BCAS3: variants seen among roughly 807,000 people sequenced by gnomAD.
The protein encoded by BCAS3 is BCAS4/BCAS3 fusion.
A neutral mutation model predicts 116.1 loss-of-function variants in BCAS3; 53 were observed. The ratio of observed to expected loss-of-function variants is 0.46; its 90% confidence interval spans 0.37 to 0.57. The LOEUF (loss-of-function observed/expected upper bound fraction) is 0.57. Among genes scored for constraint, BCAS3 ranks in the 20% least tolerant of loss-of-function variants. The pLI is 0.00. For synonymous variants in BCAS3, 391 were observed against 408.2 expected, an observed-to-expected ratio of 0.96 and a Z score of 0.51; for missense variants, 917 against 1,165.4, an observed-to-expected ratio of 0.79 and a Z score of 3.10.
chr17:61,369,924 C>T (rs895578457), intron 23 of BCAS3, among the ~76,000 whole-genome samples: 6 of 152,206 alleles, frequency 3.9e-5, no homozygotes, highest in Admixed American at 3.3e-4. Context: ...AAACCGGAGC[C>T]CGGTGCCACT....
At position 60,808,015 on chromosome 17, in the gene BCAS3, T is replaced by C. The variant is rs756650173; in HGVS notation, c.415T>C (p.Cys139Arg). The stretch of plus-strand genomic sequence containing the variant: ...ATCCTTCCTGTCAGGTGCTCAAAAA[T>C]GTGATAACTTTGCTGAAAAAAGACC... The part of the protein sequence containing the change: ...LPAPQFGAQK[C>R]DNFAEKRPLL... Residue 139 changes from cysteine (C) to arginine (R), a missense_variant, in exon 7 of 24, where the codon TGT becomes CGT. Transcript: ENST00000407086. The C allele has an allele frequency of 3.7e-6, 6 of 1,606,678 alleles. No homozygotes were observed. The highest frequency in any genetic ancestry group is 2.7e-5 in the African/African-American group (2 of 74,836).
At chr17:60,977,488 C>A (rs1036852657) in intron 14 of BCAS3, among the ~76,000 whole-genome samples, 8 of 149,390 alleles carry the variant, frequency 5.4e-5, no homozygotes, top group African/African-American at 2.0e-4. Context: ...GAAGCACTTT[C>A]TTTTTATTAT....
rs202058797 is a variant in BCAS3, at chr17:60,902,602, T to C, written c.739-18T>C. ...TAATAGAAATGACGTTCTGCTTCTC[T>C]CTCTCTCTTTTTCTCAGTTGATTCG... On this transcript the variant is annotated intron_variant, in intron 10 of 23. Transcript: ENST00000407086. 2.5e-6 allele frequency: 4 copies of C among 1,581,896 alleles called. No homozygotes were observed. In the African/African-American group the frequency reaches 5.4e-5, roughly 21 times the overall value.
intron 6 of BCAS3, among the ~76,000 whole-genome samples, chr17:60,801,519 G>A (rs2047776333): frequency 6.6e-6 from 1 of 151,594 alleles, no homozygotes; most frequent in Non-Finnish European, 1.5e-5. Flanking sequence ...AGAACTTCCA[G>A]TACTCTATTG....
chr17:61,362,866 T>C lies in BCAS3; in HGVS notation c.2426-5461T>C, dbSNP rs1327352610. On this transcript the variant is annotated intron_variant, in intron 22 of 23. Coordinates refer to ENST00000407086, the MANE Select transcript of BCAS3 (RefSeq NM_017679.5). This position sits in a 1 kb window ranked among gnomAD's most constrained non-coding sequence, Gnocchi z 4.4. ...TGTGACATTGTTTTCTGCTCACTTATCTTCTTCTTCCTTCCTCTCTTTTAA... is the reference window on the plus strand; with the variant it reads ...TGTGACATTGTTTTCTGCTCACTTACCTTCTTCTTCCTTCCTCTCTTTTAA... 6.6e-6 allele frequency: 1 copy of C among 152,202 alleles called. No individual in the cohort carries two copies. The highest frequency in any genetic ancestry group is 2.1e-4 in the South Asian group (1 of 4,826). 9.4% of individuals were successfully genotyped at this position (152,202 alleles called of 1,614,324 possible). A position where few individuals can be genotyped will look rare whatever the true frequency, so the allele number is the denominator to read the frequency against.
At chr17:60,731,361 C>T (rs540506951) in intron 5 of BCAS3, among the ~76,000 whole-genome samples, 4 of 152,038 alleles carry the variant, frequency 2.6e-5, no homozygotes, top group Non-Finnish European at 5.9e-5. Flanking sequence ...TACAGGCGTG[C>T]GCCATTACGC....
chr17:61,029,155 A>G lies in BCAS3; in HGVS notation c.1638-5511A>G, dbSNP rs2145580644. Reference sequence around the variant, plus strand: ...TTTGGATGAAAAATGAAATTTTTAAATGAAATGTAAATTTTCTACAAACTT... The same window carrying G: ...TTTGGATGAAAAATGAAATTTTTAAGTGAAATGTAAATTTTCTACAAACTT... On this transcript the variant is annotated intron_variant, in intron 16 of 23. Coordinates refer to ENST00000407086, the MANE Select transcript of BCAS3 (RefSeq NM_017679.5). This position sits in a 1 kb window ranked among gnomAD's most constrained non-coding sequence, Gnocchi z 5.2. Among the ~76,000 whole-genome samples, 1 of 152,098 alleles carries G rather than the reference A, an allele frequency of 6.6e-6. No individual in the cohort carries two copies. Among genetic ancestry groups the G allele is most frequent in the South Asian group, 2.1e-4 (1 of 4,832 alleles).
chr17:60,809,286 AAGAG>A (rs58041987), intron 7 of BCAS3, among the ~76,000 whole-genome samples: 1,981 of 151,870 alleles, frequency 0.013, 36 homozygotes, highest in African/African-American at 0.046. Flanking sequence ...AAAAAAAAAA[AAGAG>A]AGAGTTTGTG....
At position 61,140,818 on chromosome 17, in the gene BCAS3, C is replaced by G. The variant is rs538590663; in HGVS notation, c.2425+56254C>G. 2.0e-5 allele frequency among the ~76,000 whole-genome samples: 3 copies of G among 152,204 alleles called. No homozygotes were observed. In the East Asian group the frequency reaches 5.8e-4, roughly 29 times the overall value. On this transcript the variant is annotated intron_variant, in intron 22 of 23. Coordinates refer to ENST00000407086, the MANE Select transcript of BCAS3 (RefSeq NM_017679.5). The surrounding 1 kb of genome is among the most constrained non-coding windows in gnomAD (Gnocchi z 4.2). Reference sequence around the variant, plus strand: ...TGACTCTATGACTTTGGGCACATTACAGATTGTAATGTAGTGGATTGATGG... The same window carrying G: ...TGACTCTATGACTTTGGGCACATTAGAGATTGTAATGTAGTGGATTGATGG...
intron 19 of BCAS3, among the ~76,000 whole-genome samples, chr17:61,047,921 T>G (rs1186498632): frequency 2.6e-5 from 4 of 152,036 alleles, no homozygotes; most frequent in Non-Finnish European, 1.5e-5. Context: ...GAGTTTGGAC[T>G]TCTTTCTAAA....
At position 60,961,982 on chromosome 17, in the gene BCAS3, C is replaced by T. The variant is rs2145310170; in HGVS notation, c.1221+14630C>T. ...TTTGTTTCTCTTAACATAATGGCCT[C>T]CAGTTTCAGCTATGTTGCTGCAAAT... On this transcript the variant is annotated intron_variant, in intron 14 of 23. Transcript: ENST00000407086. This position sits in a 1 kb window ranked among gnomAD's most constrained non-coding sequence, Gnocchi z 4.8. Among the ~76,000 whole-genome samples, 1 of 152,204 alleles carries T rather than the reference C, an allele frequency of 6.6e-6. No individual in the cohort carries two copies. Among genetic ancestry groups the T allele is most frequent in the East Asian group, 1.9e-4 (1 of 5,182 alleles).
Position 61,220,087 on chromosome 17 carries a change from A to C in BCAS3, c.2425+135523A>C, listed in dbSNP as rs1215694903. ...GAGGTGGGCAGATCACACGGTCAGG[A>C]GTTTGAGACCAGCCTGGCCAATACA... is the stretch of plus-strand genomic sequence containing the variant. On this transcript the variant is annotated intron_variant, in intron 22 of 23. Coordinates refer to ENST00000407086, the MANE Select transcript of BCAS3 (RefSeq NM_017679.5). The surrounding 1 kb of genome is among the most constrained non-coding windows in gnomAD (Gnocchi z 4.5). Among the ~76,000 whole-genome samples the C allele has an allele frequency of 6.6e-6, 1 of 152,100 alleles. No individual in the cohort carries two copies. The highest frequency in any genetic ancestry group is 1.5e-5 in the Non-Finnish European group (1 of 68,008).
chr17:61,164,763 T>C (rs2078384884), intron 22 of BCAS3, among the ~76,000 whole-genome samples: 1 of 152,218 alleles, frequency 6.6e-6, no homozygotes, highest in South Asian at 2.1e-4. Flanking sequence ...TTGTTCTTTA[T>C]AAATTACCCA....
chr17:60,827,966 C>G (rs1371331747), intron 7 of BCAS3, among the ~76,000 whole-genome samples: 1 of 152,090 alleles, frequency 6.6e-6, no homozygotes, highest in Non-Finnish European at 1.5e-5. Flanking sequence ...CATCTAGAAC[C>G]AGTTCATAAA....
chr17:60,700,183 AAAG>A (rs1013477302), intron 4 of BCAS3, among the ~76,000 whole-genome samples: 42 of 152,028 alleles, frequency 2.8e-4, no homozygotes, highest in Non-Finnish European at 4.4e-4. Context: ...CAAAAAAAAA[AAAG>A]AAGCAGTTCA....
At chr17:60,867,478 C>G (rs2054712810) in intron 7 of BCAS3, among the ~76,000 whole-genome samples, 1 of 151,972 alleles carries the variant, frequency 6.6e-6, no homozygotes, top group South Asian at 2.1e-4. Context: ...AGATTTGTTC[C>G]AAGATAGTCA....
intron 9 of BCAS3, among the ~76,000 whole-genome samples, chr17:60,875,274 T>C (rs1042448555): frequency 6.6e-6 from 1 of 152,170 alleles, no homozygotes; most frequent in African/African-American, 2.4e-5. Flanking sequence ...TGTTTGTTTT[T>C]GTAAATTGAT....
rs138889579 is a variant in BCAS3, at chr17:60,760,239, G to A, written c.403+12960G>A. Among the ~76,000 whole-genome samples, 1,403 of 152,176 alleles carry A rather than the reference G, an allele frequency of 9.2e-3. 17 individuals carry two copies. Among genetic ancestry groups the A allele is most frequent in the African/African-American group, 0.029 (1,225 of 41,528 alleles). On this transcript the variant is annotated intron_variant, in intron 6 of 23. Coordinates refer to ENST00000407086, the MANE Select transcript of BCAS3 (RefSeq NM_017679.5). ...ATATAATTTGTTTTCTGTTTGTTTT[G>A]CATATTCTTTGTTCCTTTCTCTCCC...
chr17:61,304,780 T>C (rs2053714846), intron 22 of BCAS3, among the ~76,000 whole-genome samples: 1 of 151,236 alleles, frequency 6.6e-6, no homozygotes, highest in East Asian at 2.0e-4. Flanking sequence ...TGAGGCGGAG[T>C]TTCGCTCTTG....
Sources: gnomAD v4.1 joint callset for allele counts (sites outside exome capture counted in the v4.1 genomes callset) on GRCh38, gnomAD v4.1.1 for gene constraint, Gnocchi (gnomAD v3.1) non-coding constraint, MANE v1.5 for transcripts, NCBI Gene and HGNC (gene_info 2026-07-23, HGNC 2026-07-21) for gene names.